EGLN1: variants seen among roughly 807,000 people sequenced by gnomAD.
The protein encoded by EGLN1 is egl-9 family hypoxia inducible factor 1.
A neutral mutation model predicts 38.3 loss-of-function variants in EGLN1; 17 were observed. That is an observed-to-expected ratio of 0.44 (90% CI 0.30 to 0.67). EGLN1 has a LOEUF of 0.67. EGLN1 is among the 30% of genes least tolerant of loss of function. The pLI is 0.08. For synonymous variants in EGLN1, 283 were observed against 257.5 expected, an observed-to-expected ratio of 1.10 and a Z score of -0.95; for missense variants, 477 against 603.3, an observed-to-expected ratio of 0.79 and a Z score of 2.19.
chr1:231,377,625 A>T (rs1426714637), intron 1 of EGLN1, among the ~76,000 whole-genome samples: 1 of 152,220 alleles, frequency 6.6e-6, no homozygotes, highest in Non-Finnish European at 1.5e-5. Context: ...GATAACTGTC[A>T]AAATGAGCCA....
chr1:231,368,620 A>G (rs1687726233), intron 3 of EGLN1, among the ~76,000 whole-genome samples: 1 of 152,238 alleles, frequency 6.6e-6, no homozygotes, highest in African/African-American at 2.4e-5. Context: ...GTACGCTACA[A>G]ATCACCAGTT....
At chr1:231,410,077 CAAGG>C in intron 1 of EGLN1, among the ~76,000 whole-genome samples, 1 of 152,192 alleles carries the variant, frequency 6.6e-6, no homozygotes, top group South Asian at 2.1e-4. Flanking sequence ...CAGACACTGC[CAAGG>C]AAGAACTGAC....
At chr1:231,390,326 C>G (rs139759986) in intron 1 of EGLN1, among the ~76,000 whole-genome samples, 1 of 152,160 alleles carries the variant, frequency 6.6e-6, no homozygotes, top group South Asian at 2.1e-4. Flanking sequence ...TAAGACAATA[C>G]AGGAAAATGT....
At chr1:231,414,707 G>A (rs1029329693) in intron 1 of EGLN1, among the ~76,000 whole-genome samples, 6 of 151,374 alleles carry the variant, frequency 4.0e-5, no homozygotes, top group Admixed American at 1.3e-4. Flanking sequence ...GGCCCAGTGC[G>A]ATGGCTCATA....
intron 1 of EGLN1, among the ~76,000 whole-genome samples, chr1:231,403,684 G>C (rs182097518): frequency 2.7e-5 from 4 of 146,168 alleles, no homozygotes; most frequent in African/African-American, 1.0e-4. Context: ...GCTGAGGCAG[G>C]AGAATCGCTT....
chr1:231,386,648 T>G (rs932613990), intron 1 of EGLN1, among the ~76,000 whole-genome samples: 3 of 152,196 alleles, frequency 2.0e-5, no homozygotes, highest in Non-Finnish European at 4.4e-5. Context: ...ATGAACCAGC[T>G]CTTATTTATT....
At chr1:231,375,105 C>A (rs1274791713) in intron 1 of EGLN1, among the ~76,000 whole-genome samples, 1 of 152,186 alleles carries the variant, frequency 6.6e-6, no homozygotes, top group Non-Finnish European at 1.5e-5. Context: ...GTTGACCAGG[C>A]TAGAGTGCAG....
chr1:231,418,592 G>A (rs1197197137), intron 1 of EGLN1, among the ~76,000 whole-genome samples: 1 of 152,158 alleles, frequency 6.6e-6, no homozygotes, highest in Non-Finnish European at 1.5e-5. Context: ...GGCCAGGTGA[G>A]GTGGTTCAAG....
chr1:231,369,591 G>C (rs1687761944), intron 3 of EGLN1: 1 of 985,226 alleles, frequency 1.0e-6, no homozygotes, highest in South Asian at 4.7e-5. Flanking sequence ...TGCTTAGCTT[G>C]CTACTCAGTA....
At chr1:231,387,920 C>G (rs1352176016) in intron 1 of EGLN1, among the ~76,000 whole-genome samples, 1 of 152,210 alleles carries the variant, frequency 6.6e-6, no homozygotes, top group African/African-American at 2.4e-5. Flanking sequence ...CTTTGATCCA[C>G]AGTTTTCTGG....
chr1:231,422,128 G>A lies in EGLN1; in HGVS notation c.-240C>T. On this transcript the variant is annotated 5_prime_UTR_variant, in exon 1 of 5. Coordinates refer to ENST00000366641, the MANE Select transcript of EGLN1 (RefSeq NM_022051.3). ...GCGCCTCATCGCCGCCGAGGGCTGA[G>A]AGAATAGGGCCTGTGCGGCGAATGG... The A allele has an allele frequency of 2.7e-6, 1 of 370,546 alleles. No individual in the cohort carries two copies. The highest frequency in any genetic ancestry group is 4.8e-6 in the Non-Finnish European group (1 of 210,136). The allele number at this position is 370,546 out of a possible 1,614,324, so 23.0% of individuals were successfully genotyped here.
chr1:231,370,806 A>G, intron 2 of EGLN1, 108 bp from the exon 3 acceptor site: 1 of 1,281,600 alleles, frequency 7.8e-7, no homozygotes, highest in Non-Finnish European at 1.1e-6. Flanking sequence ...ATTATTCACA[A>G]ATACGTCTCA....
chr1:231,405,296 C>T (rs1688760282), intron 1 of EGLN1, among the ~76,000 whole-genome samples: 1 of 152,122 alleles, frequency 6.6e-6, no homozygotes, highest in Non-Finnish European at 1.5e-5. Context: ...CCTCAGTCTC[C>T]TGAGTAGCTG....
chr1:231,404,915 C>G lies in EGLN1; in HGVS notation c.891+16083G>C, dbSNP rs1688749623. Among the ~76,000 whole-genome samples the G allele has an allele frequency of 2.0e-5, 3 of 152,098 alleles. 1 individual carries two copies. Among genetic ancestry groups the G allele is most frequent in the African/African-American group, 7.2e-5 (3 of 41,446 alleles). ...TATCTGAAATTCAGTTCAAGATGCC[C>G]TTATCAACTGAACACTATTTCCTTT... On this transcript the variant is annotated intron_variant, in intron 1 of 4. Coordinates refer to ENST00000366641, the MANE Select transcript of EGLN1 (RefSeq NM_022051.3).
At chr1:231,416,259 G>A (rs990073794) in intron 1 of EGLN1, among the ~76,000 whole-genome samples, 7 of 151,850 alleles carry the variant, frequency 4.6e-5, no homozygotes, top group African/African-American at 7.3e-5. Context: ...CAGCCTCCCA[G>A]AGTGTTGGGA....
Position 231,365,977 on chromosome 1 carries a change from A to C in EGLN1, c.*434T>G, listed in dbSNP as rs974916553. The stretch of plus-strand genomic sequence containing the variant: ...ACAAAAATAGATTGATGTTATTTTG[A>C]GGAATAATACTGTAATTTTTTCTCA... On this transcript the variant is annotated 3_prime_UTR_variant, in exon 5 of 5. Transcript: ENST00000366641. 3.5e-5 allele frequency: 6 copies of C among 171,532 alleles called. No homozygotes were observed. In the East Asian group the frequency reaches 9.8e-4, roughly 28 times the overall value. 10.6% of individuals were successfully genotyped at this position (171,532 alleles called of 1,614,324 possible). A position where few individuals can be genotyped will look rare whatever the true frequency, so the allele number is the denominator to read the frequency against.
At chr1:231,392,658 G>A (rs141926816) in intron 1 of EGLN1, among the ~76,000 whole-genome samples, 14 of 152,260 alleles carry the variant, frequency 9.2e-5, no homozygotes, top group African/African-American at 3.4e-4. Flanking sequence ...AAAACCTATG[G>A]TGAGGATAAA....
chr1:231,373,122 A>AAT, intron 2 of EGLN1, among the ~76,000 whole-genome samples: 1 of 152,288 alleles, frequency 6.6e-6, no homozygotes, highest in East Asian at 1.9e-4. Context: ...ATATTAAGGA[A>AAT]ATATATATTT....
At chr1:231,415,637 C>G (rs1053309208) in intron 1 of EGLN1, among the ~76,000 whole-genome samples, 6 of 152,136 alleles carry the variant, frequency 3.9e-5, no homozygotes, top group Admixed American at 3.9e-4. Flanking sequence ...TTCTGCATAG[C>G]GCTTTACCAT....
Sources: allele counts gnomAD v4.1 joint callset (sites outside exome capture counted in the v4.1 genomes callset), GRCh38; gene constraint gnomAD v4.1.1; transcripts MANE v1.5; gene names NCBI Gene and HGNC (gene_info 2026-07-23, HGNC 2026-07-21).